The following RIN2 variants were observed in gnomAD, a reference collection of about 807,000 sequenced individuals.
RIN2 encodes the protein RAB5 interacting protein 2.
RIN2 carries 36 observed loss-of-function variants against 78.0 expected under a neutral mutation model. The ratio of observed to expected loss-of-function variants is 0.46; its 90% CI spans 0.35 to 0.61. RIN2 has a LOEUF of 0.61. RIN2 is among the 20% of genes least tolerant of loss of function. RIN2 has a pLI of 0.00. For synonymous variants in RIN2, 466 were observed against 466.8 expected (o/e 1.00, Z 0.02); for missense variants, 1,087 against 1,159.7 (o/e 0.94, Z 0.91).
chr20:19,965,340 G>GCACACATGCACACACAGA (rs1259416290), intron 7 of RIN2, among the ~76,000 whole-genome samples: 1 of 152,038 alleles, frequency 6.6e-6, no homozygotes, highest in African/African-American at 2.4e-5. Context: ...GCACATATGT[G>GCACACATGCACACACAGA]CACACATGCA....
intron 5 of RIN2, 99 bp downstream of exon 5, chr20:19,956,906 T>A: frequency 9.7e-7 from 1 of 1,030,300 alleles, no homozygotes; most frequent in African/African-American, 1.6e-5. Flanking sequence ...TCTTCCTAGC[T>A]TGTAAGGAGC....
At chr20:19,987,191 C>T (rs911460160) in intron 9 of RIN2, among the ~76,000 whole-genome samples, 10 of 152,164 alleles carry the variant, frequency 6.6e-5, no homozygotes, top group African/African-American at 2.2e-4. Flanking sequence ...ATGAATATAT[C>T]CAATGTATTC....
intron 2 of RIN2, among the ~76,000 whole-genome samples, chr20:19,883,557 G>T (rs1281604245): frequency 6.6e-6 from 1 of 152,046 alleles, no homozygotes. Flanking sequence ...TGCCTGGGCT[G>T]ATCTTGAACT....
At chr20:19,823,704 C>G in intron 2 of RIN2, 3 of 1,587,232 alleles carry the variant, frequency 1.9e-6, no homozygotes, top group Non-Finnish European at 2.6e-6. Context: ...CTTTGATGAT[C>G]ATGGCAGAGG....
At chr20:19,803,901 G>T (rs574959251) in intron 2 of RIN2, among the ~76,000 whole-genome samples, 11 of 152,278 alleles carry the variant, frequency 7.2e-5, no homozygotes, top group Admixed American at 6.5e-4. Context: ...TCTCCTTGAA[G>T]AGGCCCTTCA....
intron 3 of RIN2, among the ~76,000 whole-genome samples, chr20:19,907,774 G>A (rs1444881407): frequency 6.6e-6 from 1 of 152,174 alleles, no homozygotes; most frequent in Non-Finnish European, 1.5e-5. Context: ...AAAGATATGT[G>A]TACCTCACCT....
intron 12 of RIN2, among the ~76,000 whole-genome samples, chr20:19,997,978 CT>C (rs201051605): frequency 1.6e-4 from 24 of 145,518 alleles, no homozygotes; most frequent in South Asian, 4.4e-4. Flanking sequence ...GATTCACCTG[CT>C]TTTTTTTTTT....
intron 4 of RIN2, among the ~76,000 whole-genome samples, chr20:19,952,423 C>G (rs1480323993): frequency 6.6e-6 from 1 of 152,186 alleles, no homozygotes. Flanking sequence ...GAAGGTTGTT[C>G]CTGATAAAAG....
At chr20:19,921,386 T>C (rs1028431415) in intron 3 of RIN2, among the ~76,000 whole-genome samples, 1 of 152,144 alleles carries the variant, frequency 6.6e-6, no homozygotes, top group Non-Finnish European at 1.5e-5. Flanking sequence ...GAGGTTATAA[T>C]GGATTGGATC....
At chr20:19,972,646 G>A (rs1568682997) in intron 8 of RIN2, among the ~76,000 whole-genome samples, 1 of 152,186 alleles carries the variant, frequency 6.6e-6, no homozygotes, top group Non-Finnish European at 1.5e-5. Flanking sequence ...GGGTTAATAA[G>A]ATCCCCTCTC....
At chr20:19,966,619 G>A (rs777520733) in intron 7 of RIN2, among the ~76,000 whole-genome samples, 43 of 152,052 alleles carry the variant, frequency 2.8e-4, no homozygotes, top group South Asian at 6.2e-4. Flanking sequence ...CACCATGCCC[G>A]GCCAGGAGCC....
chr20:19,891,830 A>G (rs1207522818), intron 3 of RIN2, among the ~76,000 whole-genome samples: 1 of 152,210 alleles, frequency 6.6e-6, no homozygotes, highest in Non-Finnish European at 1.5e-5. Flanking sequence ...CTCCATCTAA[A>G]AAAAGAAGAA....
chr20:19,925,662 A>G (rs2146075685), intron 3 of RIN2, among the ~76,000 whole-genome samples: 1 of 152,360 alleles, frequency 6.6e-6, no homozygotes, highest in South Asian at 2.1e-4. Flanking sequence ...ATAAAAATAT[A>G]ATCAGGGCAA....
chr20:19,889,828 C>T (rs540727831), intron 3 of RIN2, among the ~76,000 whole-genome samples, 170 bp downstream of exon 3: 21 of 152,216 alleles, frequency 1.4e-4, no homozygotes, highest in African/African-American at 3.6e-4. Context: ...TAACAGGTTG[C>T]GGGGTCTGTG....
intron 2 of RIN2, among the ~76,000 whole-genome samples, chr20:19,806,243 G>A (rs1018595992): frequency 6.6e-6 from 1 of 152,084 alleles, no homozygotes; most frequent in African/African-American, 2.4e-5. Context: ...CCCAGTAATG[G>A]GATTGCTGGG....
chr20:19,766,141 A>C (rs937407668), intron 1 of RIN2, among the ~76,000 whole-genome samples: 1 of 152,042 alleles, frequency 6.6e-6, no homozygotes, highest in Non-Finnish European at 1.5e-5. Flanking sequence ...TGGATGGGGC[A>C]CCCACCCATC....
At chr20:19,951,048 C>G (rs934672168) in intron 4 of RIN2, among the ~76,000 whole-genome samples, 1 of 152,062 alleles carries the variant, frequency 6.6e-6, no homozygotes, top group Admixed American at 6.6e-5. Flanking sequence ...CTCCATCATG[C>G]CTGGCTAATT....
chr20:19,759,291 C>T (rs1018577798), intron 1 of RIN2, among the ~76,000 whole-genome samples: 2 of 152,122 alleles, frequency 1.3e-5, no homozygotes, highest in Non-Finnish European at 2.9e-5. Flanking sequence ...CACTTCCTTG[C>T]GCGGTTTTGG....
chr20:19,949,116 TA>T (rs917923241), intron 4 of RIN2, among the ~76,000 whole-genome samples: 2 of 151,854 alleles, frequency 1.3e-5, no homozygotes, highest in Admixed American at 1.3e-4. Flanking sequence ...TCGTCTCTAC[TA>T]AAAAAAATAC....
Sources: allele counts gnomAD v4.1 joint callset (sites outside exome capture counted in the v4.1 genomes callset), GRCh38; gene constraint gnomAD v4.1.1; transcripts MANE v1.5; gene names NCBI Gene and HGNC (gene_info 2026-07-23, HGNC 2026-07-21).